PCDH9: variants seen among roughly 807,000 people sequenced by gnomAD.
PCDH9 encodes the protein protocadherin-9.
Under a neutral mutation model 70.6 loss-of-function variants are expected in PCDH9, and 24 were observed. The ratio of observed to expected loss-of-function variants is 0.34; its 90% CI spans 0.25 to 0.48. The LOEUF is 0.48. PCDH9 is among the 20% of genes least tolerant of loss of function. The pLI is 0.99. For synonymous variants in PCDH9, 562 were observed against 558.5 expected, an observed-to-expected ratio of 1.01 and a Z score of -0.09; for missense variants, 1,281 against 1,503.6, an observed-to-expected ratio of 0.85 and a Z score of 2.45.
chr13:66,841,045 G>A, intron 3 of PCDH9, among the ~76,000 whole-genome samples: 1 of 152,120 alleles, frequency 6.6e-6, no homozygotes, highest in East Asian at 1.9e-4. Flanking sequence ...CTCATGAGCA[G>A]CTTAAATAAA....
chr13:66,468,803 T>C (rs1242387546), intron 4 of PCDH9, among the ~76,000 whole-genome samples: 1 of 152,096 alleles, frequency 6.6e-6, no homozygotes, highest in Non-Finnish European at 1.5e-5. Flanking sequence ...TGTGAGTATA[T>C]CTTTTTTATA....
At chr13:66,340,971 T>C (rs771109854) in intron 4 of PCDH9, among the ~76,000 whole-genome samples, 8 of 152,168 alleles carry the variant, frequency 5.3e-5, no homozygotes, top group Non-Finnish European at 7.4e-5. Flanking sequence ...TTGATTACCA[T>C]TGCCCTTACA....
intron 3 of PCDH9, among the ~76,000 whole-genome samples, chr13:66,707,118 A>T (rs549106164): frequency 1.6e-3 from 246 of 152,320 alleles, no homozygotes; most frequent in Non-Finnish European, 2.8e-3. Context: ...CCCACAAAAA[A>T]TCAGGGAATA....
At chr13:66,767,997 C>G (rs1355461143) in intron 3 of PCDH9, among the ~76,000 whole-genome samples, 1 of 152,008 alleles carries the variant, frequency 6.6e-6, no homozygotes, top group Non-Finnish European at 1.5e-5. Context: ...GCTGACAAAT[C>G]AATTCTTCCG....
intron 3 of PCDH9, among the ~76,000 whole-genome samples, chr13:66,644,569 G>A (rs911032339): frequency 6.6e-6 from 1 of 151,872 alleles, no homozygotes; most frequent in Non-Finnish European, 1.5e-5. Flanking sequence ...CTTCTATTGA[G>A]CTTGTGTGCA....
At chr13:66,329,709 C>CTCT (rs777057996) in intron 4 of PCDH9, among the ~76,000 whole-genome samples, 28 of 152,238 alleles carry the variant, frequency 1.8e-4, no homozygotes, top group Admixed American at 3.3e-4. Flanking sequence ...TCTTAATAGA[C>CTCT]TAATGTGTGC....
intron 2 of PCDH9, among the ~76,000 whole-genome samples, chr13:66,986,447 A>G (rs1160995047): frequency 6.6e-6 from 1 of 152,062 alleles, no homozygotes; most frequent in Non-Finnish European, 1.5e-5. Context: ...TGATCATGAC[A>G]AAACAAATGC....
chr13:66,896,310 T>G (rs2082177840), intron 3 of PCDH9, among the ~76,000 whole-genome samples: 1 of 152,168 alleles, frequency 6.6e-6, no homozygotes, highest in South Asian at 2.1e-4. Flanking sequence ...GCCACTCACA[T>G]TGCTCAAGTA....
At chr13:66,328,353 C>T (rs1202935453) in intron 4 of PCDH9, among the ~76,000 whole-genome samples, 1 of 152,126 alleles carries the variant, frequency 6.6e-6, no homozygotes, top group African/African-American at 2.4e-5. Context: ...ATTACCTTGA[C>T]ACCACCAGAA....
chr13:66,936,398 C>T (rs902911843), intron 2 of PCDH9, among the ~76,000 whole-genome samples: 1 of 152,006 alleles, frequency 6.6e-6, no homozygotes, highest in African/African-American at 2.4e-5. Flanking sequence ...TAGATCTTTG[C>T]AAAGAACAAT....
At chr13:67,085,977 C>T (rs1162302318) in intron 2 of PCDH9, among the ~76,000 whole-genome samples, 1 of 152,066 alleles carries the variant, frequency 6.6e-6, no homozygotes. Context: ...TCCTGTGAAA[C>T]TAAGCTTTAT....
At chr13:66,673,998 T>C (rs898524250) in intron 3 of PCDH9, among the ~76,000 whole-genome samples, 1 of 152,150 alleles carries the variant, frequency 6.6e-6, no homozygotes, top group African/African-American at 2.4e-5. Flanking sequence ...GAAATTATAA[T>C]AGGGTCTAAA....
At chr13:66,812,246 G>A (rs763850394) in intron 3 of PCDH9, among the ~76,000 whole-genome samples, 5 of 151,928 alleles carry the variant, frequency 3.3e-5, no homozygotes, top group Non-Finnish European at 5.9e-5. Context: ...AATATATAAC[G>A]TGACAACCTA....
chr13:66,311,425 T>C (rs1009815799), intron 4 of PCDH9, among the ~76,000 whole-genome samples: 2 of 151,746 alleles, frequency 1.3e-5, no homozygotes, highest in African/African-American at 4.8e-5. Flanking sequence ...TGTACCAGCA[T>C]AACTTTTTTT....
At chr13:67,051,940 C>T (rs1474997784) in intron 2 of PCDH9, among the ~76,000 whole-genome samples, 5 of 152,040 alleles carry the variant, frequency 3.3e-5, no homozygotes, top group Non-Finnish European at 7.4e-5. Flanking sequence ...TAAGTGTTCC[C>T]GGCAGTGTTA....
chr13:66,704,884 G>GC (rs2078691088), intron 3 of PCDH9, among the ~76,000 whole-genome samples: 1 of 151,898 alleles, frequency 6.6e-6, no homozygotes, highest in South Asian at 2.1e-4. Flanking sequence ...TAATACATTG[G>GC]TATTAAAATA....
intron 2 of PCDH9, among the ~76,000 whole-genome samples, chr13:67,100,496 ATGCAGAAATGTTTCTATCATAAAT>A (rs2086410841): frequency 6.6e-6 from 1 of 152,222 alleles, no homozygotes; most frequent in African/African-American, 2.4e-5. Flanking sequence ...GCCTACTAAA[ATGCAGAAATGTTTCTATCATAAAT>A]TGCATGTATA....
At chr13:66,730,878 T>G (rs58901940) in intron 3 of PCDH9, among the ~76,000 whole-genome samples, 2,706 of 16,358 alleles carry the variant, frequency 0.17, 124 homozygotes, top group East Asian at 0.31. Flanking sequence ...GTGTGTGTGT[T>G]TTTTTTTTGT....
chr13:66,631,300 G>A lies in PCDH9; in HGVS notation c.3250C>T (p.Leu1084Phe). 1.9e-6 allele frequency: 3 copies of A among 1,607,798 alleles called. No individual in the cohort carries two copies. In the South Asian group the frequency reaches 3.3e-5, roughly 18 times the overall value. The change falls in exon 4 of 5, where the codon CTT becomes TTT. Residue 1084 changes from leucine (L) to phenylalanine (F), a missense_variant. This residue lies in a region of PCDH9 where 264 missense variants were observed against 278.8 expected (regional missense o/e 0.95). Transcript: ENST00000377865. ...TCGTCCTGTGGCTGAACCAGAGGAA[G>A]AGGGTGTGAGATCAGGGTTCCACTA... ...VGSGTLISHPLPLVQPQDEFY... is the reference protein window; with the variant it reads ...VGSGTLISHPFPLVQPQDEFY...
Sources: allele counts gnomAD v4.1 joint callset (sites outside exome capture counted in the v4.1 genomes callset), GRCh38; gene constraint gnomAD v4.1.1; regional missense constraint gnomAD v4.1.1; transcripts MANE v1.5; gene names NCBI Gene and HGNC (gene_info 2026-07-23, HGNC 2026-07-21).